Variants in BFSP2 observed in about 807,000 individuals in gnomAD.
The protein encoded by BFSP2 is phakinin.
Under a neutral mutation model 44.9 loss-of-function variants are expected in BFSP2, and 38 were observed. The observed-to-expected ratio is 0.85, with a 90% CI of 0.65 to 1.11. BFSP2 has a LOEUF of 1.11. Ranked by LOEUF, BFSP2 falls within the 50% of genes least tolerant of loss-of-function variation. The pLI is 0.00. For synonymous variants in BFSP2, 197 were observed against 209.9 expected (o/e 0.94, Z 0.53); for missense variants, 525 against 533.0 (o/e 0.99, Z 0.15).
intron 4 of BFSP2, among the ~76,000 whole-genome samples, chr3:133,458,254 A>T (rs751023758): frequency 3.3e-5 from 5 of 152,376 alleles, no homozygotes; most frequent in Admixed American, 6.5e-5. Flanking sequence ...CTGTAGTTGT[A>T]TGCTATAGTA....
At chr3:133,432,753 C>G (rs1171180719) in intron 1 of BFSP2, among the ~76,000 whole-genome samples, 3 of 152,146 alleles carry the variant, frequency 2.0e-5, no homozygotes, top group African/African-American at 7.2e-5. Context: ...CTCTCCCTGC[C>G]GATCGTGTCC....
In BFSP2 at chr3:133,466,827, G is replaced by A; in HGVS notation, c.892-1G>A. 1 of 1,613,462 alleles carries A rather than the reference G, an allele frequency of 6.2e-7. No individual in the cohort carries two copies. The highest frequency in any genetic ancestry group is 8.5e-7 in the Non-Finnish European group (1 of 1,179,950). ...TCACACTGAGACCTGACTCTCCACAGCAACAGGCGGAGGTGGCCCACATGT... is the reference window on the plus strand; with the variant it reads ...TCACACTGAGACCTGACTCTCCACAACAACAGGCGGAGGTGGCCCACATGT... On this transcript the variant is annotated splice_acceptor_variant, in intron 4 of 6. Coordinates refer to ENST00000302334, the MANE Select transcript of BFSP2 (RefSeq NM_003571.4). LOFTEE classifies it high-confidence loss of function.
At chr3:133,415,851 C>G (rs1417422414) in intron 1 of BFSP2, among the ~76,000 whole-genome samples, 11 of 140,164 alleles carry the variant, frequency 7.8e-5, no homozygotes, top group African/African-American at 2.9e-4. Flanking sequence ...TCACCCCTGC[C>G]CTCTCCCCTC....
At chr3:133,467,707 G>C (rs2074125195) in intron 5 of BFSP2, among the ~76,000 whole-genome samples, 4 of 152,036 alleles carry the variant, frequency 2.6e-5, no homozygotes, top group Admixed American at 2.6e-4. Flanking sequence ...GTTCTATTTG[G>C]GTATTAAACA....
intron 1 of BFSP2, among the ~76,000 whole-genome samples, chr3:133,418,330 T>C (rs1287411199): frequency 1.3e-5 from 2 of 152,176 alleles, no homozygotes; most frequent in Non-Finnish European, 2.9e-5. Context: ...GAGAGATTTA[T>C]TATCACTCAC....
intron 6 of BFSP2, among the ~76,000 whole-genome samples, chr3:133,472,986 G>A (rs1172194717): frequency 6.6e-6 from 1 of 151,370 alleles, no homozygotes; most frequent in African/African-American, 2.4e-5. Flanking sequence ...TCTCGTCTCG[G>A]TATGTTGCCC....
At chr3:133,461,701 G>A (rs902796210) in intron 4 of BFSP2, among the ~76,000 whole-genome samples, 1 of 152,198 alleles carries the variant, frequency 6.6e-6, no homozygotes, top group African/African-American at 2.4e-5. Flanking sequence ...GTTACTTTAG[G>A]TGAGTTAAAG....
At chr3:133,415,010 C>T (rs1417596289) in intron 1 of BFSP2, among the ~76,000 whole-genome samples, 6 of 138,210 alleles carry the variant, frequency 4.3e-5, no homozygotes, top group African/African-American at 1.4e-4. Context: ...CCTCTCTCCT[C>T]TACTCACCCC....
rs768372285 is a variant in BFSP2, at chr3:133,448,616, C to T, written c.700C>T (p.Leu234Phe). The change falls in exon 3 of 7, where the codon CTT (leucine) becomes TTT (phenylalanine). Residue 234 changes from leucine (L) to phenylalanine (F), a missense_variant. Physicochemically the swap from Leu to Phe is conservative, Grantham distance 22. Transcript: ENST00000302334. ...ESQIESLKEE[L>F]GSLSRNYEED... Reference sequence around the variant, plus strand: ...TCAAATAGAAAGTCTGAAAGAAGAACTTGGCTCTCTATCAAGAAACTATGA... The same window carrying T: ...TCAAATAGAAAGTCTGAAAGAAGAATTTGGCTCTCTATCAAGAAACTATGA... The T allele has an allele frequency of 1.2e-6, 2 of 1,613,876 alleles. No homozygotes were observed. Among genetic ancestry groups the T allele is most frequent in the South Asian group, 1.1e-5 (1 of 91,046 alleles).
chr3:133,468,377 C>T (rs2074131648), intron 5 of BFSP2, among the ~76,000 whole-genome samples: 1 of 152,198 alleles, frequency 6.6e-6, no homozygotes, highest in Non-Finnish European at 1.5e-5. Context: ...TATCTAGTTA[C>T]TGTCTTAGTA....
chr3:133,442,108 A>G (rs1160656504), intron 1 of BFSP2, among the ~76,000 whole-genome samples: 2 of 152,118 alleles, frequency 1.3e-5, no homozygotes, highest in Non-Finnish European at 2.9e-5. Context: ...TATAAGAGAC[A>G]CTTCTATAGA....
intron 1 of BFSP2, among the ~76,000 whole-genome samples, chr3:133,437,700 T>A (rs2073803679): frequency 6.6e-6 from 1 of 152,090 alleles, no homozygotes; most frequent in Non-Finnish European, 1.5e-5. Context: ...AACTGAGCTA[T>A]TTAACATTAG....
chr3:133,447,962 G>A (rs1370653548), intron 2 of BFSP2, among the ~76,000 whole-genome samples: 8 of 152,194 alleles, frequency 5.3e-5, no homozygotes, highest in African/African-American at 1.9e-4. Flanking sequence ...GACTTAATGT[G>A]CATCCAGGCT....
intron 1 of BFSP2, among the ~76,000 whole-genome samples, chr3:133,435,099 G>A (rs1457423122): frequency 3.9e-5 from 6 of 152,164 alleles, no homozygotes; most frequent in Non-Finnish European, 8.8e-5. Context: ...ACAAAAAGAA[G>A]CCAGAAGGAG....
intron 1 of BFSP2, among the ~76,000 whole-genome samples, chr3:133,433,335 C>T (rs1014188519): frequency 6.6e-6 from 1 of 152,224 alleles, no homozygotes; most frequent in Non-Finnish European, 1.5e-5. Flanking sequence ...GTACAAGCCA[C>T]TAGCCTGCCT....
chr3:133,462,135 T>G (rs1292449938), intron 4 of BFSP2, among the ~76,000 whole-genome samples: 3 of 152,238 alleles, frequency 2.0e-5, no homozygotes, highest in Non-Finnish European at 4.4e-5. Context: ...CCACATTTTC[T>G]CAAGATCCTA....
chr3:133,473,928 T>C (rs2107947083), intron 6 of BFSP2, among the ~76,000 whole-genome samples: 1 of 152,304 alleles, frequency 6.6e-6, no homozygotes, highest in Non-Finnish European at 1.5e-5. Context: ...CCCTTATATC[T>C]CATTGGCCAG....
At chr3:133,437,384 A>C (rs2107911996) in intron 1 of BFSP2, among the ~76,000 whole-genome samples, 1 of 152,220 alleles carries the variant, frequency 6.6e-6, no homozygotes, top group South Asian at 2.1e-4. Flanking sequence ...TTAGCCGGGC[A>C]TGGTGGCACA....
intron 1 of BFSP2, among the ~76,000 whole-genome samples, chr3:133,403,369 T>A (rs1004937545): frequency 5.9e-5 from 9 of 152,140 alleles, no homozygotes; most frequent in African/African-American, 2.2e-4. Flanking sequence ...CCCCCCCTTG[T>A]CCACAGAACT....
Sources: gnomAD v4.1 joint callset for allele counts (sites outside exome capture counted in the v4.1 genomes callset) on GRCh38, gnomAD v4.1.1 for gene constraint, MANE v1.5 for transcripts, NCBI Gene and HGNC (gene_info 2026-07-23, HGNC 2026-07-21) for gene names.